The following ZNF407 variants were observed in gnomAD, a reference collection of about 807,000 sequenced individuals.
ZNF407 encodes zinc finger protein 407.
A neutral mutation model predicts 131.2 loss-of-function variants in ZNF407; 17 were observed. The ratio of observed to expected loss-of-function variants is 0.13; its 90% CI spans 0.09 to 0.19. The LOEUF is 0.19. ZNF407 is among the 10% of genes least tolerant of loss of function. The pLI, the probability that ZNF407 is intolerant of heterozygous loss-of-function variation, is 1.00. For missense variants in ZNF407, 2,681 were observed against 2,830.6 expected, an observed-to-expected ratio of 0.95 and a Z score of 1.20; for synonymous variants, 1,156 against 1,062.0, an observed-to-expected ratio of 1.09 and a Z score of -1.72.
intron 8 of ZNF407, among the ~76,000 whole-genome samples, chr18:74,955,160 T>C (rs1047156248): frequency 6.6e-6 from 1 of 151,984 alleles, no homozygotes; most frequent in Non-Finnish European, 1.5e-5. Flanking sequence ...TAGGGTCGTT[T>C]AGGGATGGGC....
intron 4 of ZNF407, among the ~76,000 whole-genome samples, chr18:74,876,959 T>C (rs541808998): frequency 1.8e-4 from 27 of 152,306 alleles, no homozygotes; most frequent in Middle Eastern, 3.4e-3. Context: ...GACTGGACTG[T>C]AACAGAATTT....
chr18:75,063,497 C>T lies in ZNF407; in HGVS notation c.5776C>T (p.Pro1926Ser), dbSNP rs931664639. The change falls in exon 9 of 9, where the codon CCC becomes TCC. Residue 1926 changes from proline (P) to serine (S), a missense_variant. Transcript: ENST00000299687. This position sits in a 1 kb window ranked among gnomAD's most constrained non-coding sequence, Gnocchi z 6.6. Reference sequence around the variant, plus strand: ...CGGGGCACATGTAGGCAGCGTGGTGCCCGGACCCATCCTCCCCGAGCAGCT... The same window carrying T: ...CGGGGCACATGTAGGCAGCGTGGTGTCCGGACCCATCCTCCCCGAGCAGCT... ...QSGAHVGSVVPGPILPEQLAD... is the reference protein window; with the variant it reads ...QSGAHVGSVVSGPILPEQLAD... 1.3e-6 allele frequency: 2 copies of T among 1,592,934 alleles called. No individual in the cohort carries two copies. Among genetic ancestry groups the T allele is most frequent in the African/African-American group, 1.3e-5 (1 of 74,542 alleles).
intron 1 of ZNF407, among the ~76,000 whole-genome samples, chr18:74,610,774 G>A (rs767775068): frequency 2.6e-5 from 4 of 151,864 alleles, no homozygotes; most frequent in Non-Finnish European, 4.4e-5. Flanking sequence ...GGCTGGTCTC[G>A]AACCCCTCAC....
intron 8 of ZNF407, among the ~76,000 whole-genome samples, chr18:74,964,580 GTTTTTTTTTT>G (rs35373107): frequency 8.4e-6 from 1 of 118,616 alleles, no homozygotes; most frequent in Non-Finnish European, 1.8e-5. Context: ...TATCATCCGG[GTTTTTTTTTT>G]TTTTTTTTTT....
intron 3 of ZNF407, among the ~76,000 whole-genome samples, chr18:74,775,325 A>C (rs1212969645): frequency 1.3e-5 from 2 of 152,160 alleles, no homozygotes; most frequent in African/African-American, 4.8e-5. Flanking sequence ...TGAGAGTATG[A>C]TGACACAACT....
intron 8 of ZNF407, among the ~76,000 whole-genome samples, chr18:75,059,900 C>T (rs1200033126): frequency 2.0e-5 from 3 of 152,180 alleles, no homozygotes; most frequent in Non-Finnish European, 4.4e-5. Context: ...GATCTTCCCT[C>T]GGTCAAGGCA....
rs879479225 is a variant in ZNF407 at position 75,027,921 on chromosome 18, C to T, written c.5429-35229C>T. ...AGCCTGTACTTTCCACACCTCCTTC[C>T]TGTAGAACCTGTGAGAGAACACGCT... On this transcript the variant is annotated intron_variant, in intron 8 of 8. Transcript: ENST00000299687. Among the ~76,000 whole-genome samples, 27 of 152,304 alleles carry T rather than the reference C, an allele frequency of 1.8e-4. No individual in the cohort carries two copies. In the Middle Eastern group the frequency reaches 0.01, roughly 58 times the overall value.
rs888197972 is a variant in ZNF407, at chr18:74,697,928, T to A, written c.4802+56806T>A. Reference sequence around the variant, plus strand: ...ATCAATGACCTAGGATTTTTAATGGTTATAGAATTTATCATAGATTATAAT... The same window carrying A: ...ATCAATGACCTAGGATTTTTAATGGATATAGAATTTATCATAGATTATAAT... On this transcript the variant is annotated intron_variant, in intron 3 of 8. Coordinates refer to ENST00000299687, the MANE Select transcript of ZNF407 (RefSeq NM_017757.3). Among the ~76,000 whole-genome samples, 3 of 152,326 alleles carry A rather than the reference T, an allele frequency of 2.0e-5. No homozygotes were observed. In the East Asian group the frequency reaches 5.8e-4, roughly 29 times the overall value.
chr18:74,676,447 T>G (rs538674044), intron 3 of ZNF407, among the ~76,000 whole-genome samples: 1 of 150,422 alleles, frequency 6.6e-6, no homozygotes, highest in African/African-American at 2.4e-5. Context: ...ATTTTTTTTT[T>G]TTTTTTTGAG....
chr18:74,946,392 C>T (rs955239127), intron 8 of ZNF407, among the ~76,000 whole-genome samples: 1 of 151,968 alleles, frequency 6.6e-6, no homozygotes, highest in Non-Finnish European at 1.5e-5. Flanking sequence ...TTTCGCAGCA[C>T]TCTCTTTGTG....
intron 5 of ZNF407, among the ~76,000 whole-genome samples, chr18:74,879,624 C>T (rs1265041066): frequency 1.3e-5 from 2 of 152,094 alleles, no homozygotes; most frequent in African/African-American, 2.4e-5. Context: ...CCCATCTACT[C>T]TATTCTTTCT....
intron 3 of ZNF407, among the ~76,000 whole-genome samples, chr18:74,769,072 A>G (rs947640534): frequency 6.6e-6 from 1 of 152,122 alleles, no homozygotes; most frequent in Non-Finnish European, 1.5e-5. Flanking sequence ...GCTAGGCACT[A>G]CAGTAAGTCT....
intron 4 of ZNF407, among the ~76,000 whole-genome samples, chr18:74,831,393 T>C (rs1306047291): frequency 1.3e-5 from 2 of 152,230 alleles, no homozygotes; most frequent in Admixed American, 1.3e-4. Flanking sequence ...GGAAACTGTG[T>C]ATCCTTTAAA....
intron 8 of ZNF407, among the ~76,000 whole-genome samples, chr18:75,008,509 G>T (rs551624545): frequency 6.6e-6 from 1 of 152,218 alleles, no homozygotes; most frequent in Non-Finnish European, 1.5e-5. Flanking sequence ...GTCATCCCCG[G>T]ATAGTGGCGT....
intron 4 of ZNF407, among the ~76,000 whole-genome samples, chr18:74,871,431 T>C (rs1198906755): frequency 6.6e-6 from 1 of 152,202 alleles, no homozygotes; most frequent in Non-Finnish European, 1.5e-5. Context: ...TTGAGCTGTT[T>C]TGCTAGGAAT....
At chr18:74,630,525 G>C (rs1468164546) in intron 1 of ZNF407, among the ~76,000 whole-genome samples, 1 of 152,158 alleles carries the variant, frequency 6.6e-6, no homozygotes, top group African/African-American at 2.4e-5. Flanking sequence ...GCTTCTGTTA[G>C]AGGTTAAGGA....
chr18:74,675,111 C>T (rs1035328570), intron 3 of ZNF407, among the ~76,000 whole-genome samples: 2 of 152,200 alleles, frequency 1.3e-5, no homozygotes, highest in African/African-American at 4.8e-5. Flanking sequence ...CTGCTCACTA[C>T]TCTGTTGGCC....
At chr18:74,811,569 G>A (rs1288464425) in intron 4 of ZNF407, among the ~76,000 whole-genome samples, 3 of 152,072 alleles carry the variant, frequency 2.0e-5, no homozygotes, top group Non-Finnish European at 4.4e-5. Context: ...AAAGACACAT[G>A]CACACGTATG....
intron 8 of ZNF407, among the ~76,000 whole-genome samples, chr18:75,007,328 C>T (rs1282653156): frequency 6.6e-6 from 1 of 151,560 alleles, no homozygotes; most frequent in African/African-American, 2.4e-5. Context: ...TTTTTCTGTT[C>T]TTTTGGTGGT....
Sources: gnomAD v4.1 joint callset for allele counts (sites outside exome capture counted in the v4.1 genomes callset) on GRCh38, gnomAD v4.1.1 for gene constraint, Gnocchi (gnomAD v3.1) non-coding constraint, MANE v1.5 for transcripts, NCBI Gene and HGNC (gene_info 2026-07-23, HGNC 2026-07-21) for gene names.